SH3BGR: variants seen among roughly 807,000 people sequenced by gnomAD.
SH3BGR encodes SH3 domain binding glutamate rich protein.
SH3BGR carries 29 observed loss-of-function variants against 24.5 expected under a neutral mutation model. The ratio of observed to expected loss-of-function variants is 1.18; its 90% CI spans 0.88 to 1.61. The LOEUF is 1.61. SH3BGR is among the 40% of genes most tolerant of loss of function. The pLI, the probability that SH3BGR is intolerant of heterozygous loss-of-function variation, is 0.00. For synonymous variants in SH3BGR, 55 were observed against 65.7 expected, an observed-to-expected ratio of 0.84 and a Z score of 0.79; for missense variants, 162 against 205.8, an observed-to-expected ratio of 0.79 and a Z score of 1.30.
At chr21:39,479,426 AGGTGGGTGATGG>A (rs2078094201) in intron 3 of SH3BGR, among the ~76,000 whole-genome samples, 1 of 117,454 alleles carries the variant, frequency 8.5e-6, no homozygotes, top group African/African-American at 3.5e-5. Context: ...AGTGGTGGTG[AGGTGGGTGATGG>A]TGGTGGTGAT....
chr21:39,480,291 C>CA lies in SH3BGR; in HGVS notation c.312+5080dup, dbSNP rs538122249. Among the ~76,000 whole-genome samples the CA allele has an allele frequency of 1.6e-4, 25 of 152,274 alleles. No individual in the cohort carries two copies. The East Asian group carries it at 3.7e-3, about 22-fold the overall frequency. Reference sequence around the variant, plus strand: ...TGCAACCACCACCACTGTCTACTTCCAAAATACTGTAATCATCCTTAAAAG... The same window carrying CA: ...TGCAACCACCACCACTGTCTACTTCCAAAAATACTGTAATCATCCTTAAAAG... On this transcript the variant is annotated intron_variant, in intron 3 of 6. Transcript: ENST00000333634.
At chr21:39,489,743 G>A (rs2078267948) in intron 3 of SH3BGR, among the ~76,000 whole-genome samples, 2 of 152,218 alleles carry the variant, frequency 1.3e-5, no homozygotes, top group South Asian at 4.1e-4. Context: ...ATTAAAAATA[G>A]TATGCCAGGG....
At chr21:39,467,654 T>G (rs1296905499) in intron 2 of SH3BGR, among the ~76,000 whole-genome samples, 1 of 152,230 alleles carries the variant, frequency 6.6e-6, no homozygotes, top group African/African-American at 2.4e-5. Context: ...TTCTACATGA[T>G]TAAAATGTAT....
chr21:39,481,792 A>T (rs2078134612), intron 3 of SH3BGR, among the ~76,000 whole-genome samples: 1 of 152,248 alleles, frequency 6.6e-6, no homozygotes, highest in South Asian at 2.1e-4. Context: ...AATAAATGAT[A>T]GAATTAGAAA....
chr21:39,488,577 G>C, intron 3 of SH3BGR: 2 of 288,302 alleles, frequency 6.9e-6, no homozygotes, highest in Non-Finnish European at 1.3e-5. Flanking sequence ...GGACTAGGGT[G>C]CCTAGTTTTA....
rs1028241328 is a variant in SH3BGR at position 39,479,774 on chromosome 21, G to A, written c.312+4559G>A. ...ATCTACTTCTTCTTTCTCTCACATC[G>A]CTCTTTGTAAGCAATTAGGTTTCAG... On this transcript the variant is annotated intron_variant, in intron 3 of 6. Coordinates refer to ENST00000333634, the MANE Select transcript of SH3BGR (RefSeq NM_007341.3). Among the ~76,000 whole-genome samples, 6 of 152,184 alleles carry A rather than the reference G, an allele frequency of 3.9e-5. No individual in the cohort carries two copies. The East Asian group carries it at 7.7e-4, about 20-fold the overall frequency.
intron 2 of SH3BGR, among the ~76,000 whole-genome samples, chr21:39,467,250 A>T (rs974786843): frequency 2.7e-5 from 4 of 147,384 alleles, no homozygotes; most frequent in Non-Finnish European, 4.5e-5. Flanking sequence ...GTTTGCTGTG[A>T]TCTAGTAATT....
At chr21:39,512,900 G>A (rs1194035473) in intron 6 of SH3BGR, among the ~76,000 whole-genome samples, 1 of 152,166 alleles carries the variant, frequency 6.6e-6, no homozygotes, top group Admixed American at 6.5e-5. Context: ...GGTACATGTT[G>A]TATTATTATT....
At chr21:39,499,153 C>T (rs1368854782) in intron 3 of SH3BGR, among the ~76,000 whole-genome samples, 1 of 151,202 alleles carries the variant, frequency 6.6e-6, no homozygotes, top group Non-Finnish European at 1.5e-5. Flanking sequence ...TCTCTCTTGA[C>T]ATGTGGGGAT....
intron 1 of SH3BGR, among the ~76,000 whole-genome samples, chr21:39,456,011 C>T (rs75689259): frequency 0.19 from 28,745 of 152,224 alleles, 2,878 homozygotes; most frequent in Middle Eastern, 0.27. Flanking sequence ...TGGTCTTCCC[C>T]TCCCATTGTC....
At chr21:39,450,606 C>CAG (rs374113904), upstream of SH3BGR, among the ~76,000 whole-genome samples, 58 of 150,700 alleles carry the variant, frequency 3.8e-4, no homozygotes, top group African/African-American at 1.0e-3. Flanking sequence ...AGCCGGAGAA[C>CAG]AGAGAGAGAG....
chr21:39,499,934 A>C lies in SH3BGR; in HGVS notation c.405+19A>C. On this transcript the variant is annotated intron_variant, in intron 4 of 6. Coordinates refer to ENST00000333634, the MANE Select transcript of SH3BGR (RefSeq NM_007341.3). The stretch of plus-strand genomic sequence containing the variant: ...GAAGAATGTGAGTTTTCGCTTTTTC[A>C]CAGCAGTTTGACTGGATTCTCTGCT... 6.4e-7 allele frequency: 1 copy of C among 1,565,242 alleles called. No homozygotes were observed. Among genetic ancestry groups the C allele is most frequent in the Non-Finnish European group, 8.8e-7 (1 of 1,135,634 alleles).
intron 4 of SH3BGR, among the ~76,000 whole-genome samples, chr21:39,500,577 G>T (rs890677252): frequency 2.0e-5 from 3 of 152,060 alleles, no homozygotes; most frequent in Middle Eastern, 3.2e-3. Flanking sequence ...AAAATGTGCT[G>T]GGAAACCAGG....
At chr21:39,493,251 G>C in intron 3 of SH3BGR, among the ~76,000 whole-genome samples, 1 of 152,112 alleles carries the variant, frequency 6.6e-6, no homozygotes, top group Non-Finnish European at 1.5e-5. Flanking sequence ...ATAGTTTCAG[G>C]TCTTAGATTT....
At chr21:39,493,843 A>G (rs572227223) in intron 3 of SH3BGR, among the ~76,000 whole-genome samples, 24 of 152,278 alleles carry the variant, frequency 1.6e-4, no homozygotes, top group East Asian at 5.8e-4. Flanking sequence ...TTGGTTAGGT[A>G]TATTCCTAAG....
At chr21:39,453,638 A>T (rs1222799624) in intron 1 of SH3BGR, among the ~76,000 whole-genome samples, 1 of 152,170 alleles carries the variant, frequency 6.6e-6, no homozygotes, top group South Asian at 2.1e-4. Context: ...CTGGAGAGGC[A>T]ATGTTCATCC....
chr21:39,496,646 A>G (rs2078403065), intron 3 of SH3BGR, among the ~76,000 whole-genome samples: 1 of 152,194 alleles, frequency 6.6e-6, no homozygotes, highest in Admixed American at 6.5e-5. Context: ...AAAATATACA[A>G]AAATTTGTAG....
At chr21:39,457,445 A>T (rs2077678744) in intron 1 of SH3BGR, among the ~76,000 whole-genome samples, 1 of 137,398 alleles carries the variant, frequency 7.3e-6, no homozygotes, top group Non-Finnish European at 1.6e-5. Context: ...GTTATATATA[A>T]ATCTTATGTA....
chr21:39,496,696 T>C (rs2078403563), intron 3 of SH3BGR, among the ~76,000 whole-genome samples: 1 of 152,054 alleles, frequency 6.6e-6, no homozygotes, highest in Non-Finnish European at 1.5e-5. Flanking sequence ...TAAGTTAAAA[T>C]GTAAGAAGGA....
Sources: gnomAD v4.1 joint callset for allele counts (sites outside exome capture counted in the v4.1 genomes callset) on GRCh38, gnomAD v4.1.1 for gene constraint, MANE v1.5 for transcripts, NCBI Gene and HGNC (gene_info 2026-07-23, HGNC 2026-07-21) for gene names.